SPOCK1: variants seen among roughly 807,000 people sequenced by gnomAD.
SPOCK1 encodes SPARC (osteonectin), cwcv and kazal like domains proteoglycan 1, also known as testican-1.
Under a neutral mutation model 55.3 loss-of-function variants are expected in SPOCK1, and 23 were observed. That is an observed-to-expected ratio of 0.42 (90% CI 0.30 to 0.59). The LOEUF (loss-of-function observed/expected upper bound fraction) is 0.59. Ranked by LOEUF, SPOCK1 falls within the 20% of genes least tolerant of loss-of-function variation. The pLI is 0.22. For missense variants in SPOCK1, 499 were observed against 552.5 expected, an observed-to-expected ratio of 0.90 and a Z score of 0.97; for synonymous variants, 226 against 221.0, an observed-to-expected ratio of 1.02 and a Z score of -0.20.
rs558735433 is a variant in SPOCK1 at position 137,329,364 on chromosome 5, A to T, written c.187-62309T>A. On this transcript the variant is annotated intron_variant, in intron 2 of 10. Coordinates refer to ENST00000394945, the MANE Select transcript of SPOCK1 (RefSeq NM_004598.4). ...CCACTTCCTTATAATAAATCTATTT[A>T]TATATATATACACCTATATATACAC... Among the ~76,000 whole-genome samples the T allele has an allele frequency of 7.2e-5, 11 of 151,922 alleles. No homozygotes were observed. The South Asian group carries it at 1.9e-3, about 26-fold the overall frequency.
At chr5:137,459,465 T>TTA (rs1753434446) in intron 2 of SPOCK1, among the ~76,000 whole-genome samples, 2 of 151,444 alleles carry the variant, frequency 1.3e-5, no homozygotes, top group African/African-American at 2.4e-5. Flanking sequence ...TTTTTTTTTT[T>TTA]AATTCATTGC....
intron 3 of SPOCK1, among the ~76,000 whole-genome samples, chr5:137,193,073 T>C (rs1300984541): frequency 6.6e-6 from 1 of 152,194 alleles, no homozygotes; most frequent in East Asian, 1.9e-4. Flanking sequence ...CAAAGTTGCA[T>C]TTTTAAACAG....
chr5:137,206,241 A>T (rs1755519111), intron 3 of SPOCK1, among the ~76,000 whole-genome samples: 1 of 152,234 alleles, frequency 6.6e-6, no homozygotes, highest in South Asian at 2.1e-4. Flanking sequence ...TAGGTTAAAG[A>T]AAAGGGCTTC....
intron 2 of SPOCK1, among the ~76,000 whole-genome samples, chr5:137,321,038 A>T (rs1757973617): frequency 1.3e-5 from 2 of 152,210 alleles, no homozygotes; most frequent in Admixed American, 1.3e-4. Context: ...AATGAAAAAG[A>T]GTATTTTTTA....
chr5:137,000,138 G>A (rs1751121434), intron 6 of SPOCK1, among the ~76,000 whole-genome samples: 1 of 152,100 alleles, frequency 6.6e-6, no homozygotes, highest in African/African-American at 2.4e-5. Flanking sequence ...GTTCTCTTTG[G>A]GAGCAAGCTC....
At chr5:137,301,425 T>G (rs1040454033) in intron 2 of SPOCK1, among the ~76,000 whole-genome samples, 1 of 152,252 alleles carries the variant, frequency 6.6e-6, no homozygotes, top group South Asian at 2.1e-4. Context: ...TAGTACCATA[T>G]TCTGCCAACA....
At chr5:137,268,568 T>C (rs563772556) in intron 2 of SPOCK1, among the ~76,000 whole-genome samples, 2 of 152,328 alleles carry the variant, frequency 1.3e-5, no homozygotes, top group Admixed American at 6.5e-5. Flanking sequence ...TGATATTAAG[T>C]TAAAAGTTGG....
intron 3 of SPOCK1, 54 bp from the exon 4 acceptor site, chr5:137,140,748 T>TA: frequency 1.1e-5 from 1 of 87,482 alleles, no homozygotes; most frequent in South Asian, 3.6e-4. Flanking sequence ...GGAAATTTAA[T>TA]TTTTTTTTTT....
At chr5:137,189,540 C>T (rs1262159246) in intron 3 of SPOCK1, among the ~76,000 whole-genome samples, 1 of 152,126 alleles carries the variant, frequency 6.6e-6, no homozygotes, top group Non-Finnish European at 1.5e-5. Flanking sequence ...CGATACCTAC[C>T]ACTCAGAAAA....
intron 2 of SPOCK1, among the ~76,000 whole-genome samples, chr5:137,344,328 A>C (rs1750506287): frequency 6.6e-6 from 1 of 152,214 alleles, no homozygotes; most frequent in Middle Eastern, 3.2e-3. Flanking sequence ...TAAAGCCAGA[A>C]CGTTTTATTC....
chr5:137,459,401 A>G (rs980199210), intron 2 of SPOCK1, among the ~76,000 whole-genome samples: 3 of 151,928 alleles, frequency 2.0e-5, no homozygotes, highest in Non-Finnish European at 4.4e-5. Context: ...AGGTGGTTCC[A>G]AGAGCAGAAT....
chr5:136,982,994 A>T (rs1490702244), intron 9 of SPOCK1, among the ~76,000 whole-genome samples: 3 of 152,116 alleles, frequency 2.0e-5, no homozygotes, highest in Non-Finnish European at 2.9e-5. Context: ...CTTTATTTAT[A>T]ATAGTTTTTA....
intron 3 of SPOCK1, among the ~76,000 whole-genome samples, chr5:137,260,093 T>C (rs1216030899): frequency 2.0e-5 from 3 of 152,236 alleles, no homozygotes; most frequent in Non-Finnish European, 4.4e-5. Context: ...CTATCTCATC[T>C]ACCCTTTTTA....
chr5:137,488,065 G>T (rs1754097043), intron 2 of SPOCK1, among the ~76,000 whole-genome samples: 2 of 152,168 alleles, frequency 1.3e-5, no homozygotes, highest in African/African-American at 4.8e-5. Flanking sequence ...TACAGTCTGA[G>T]AACTACCTAC....
chr5:137,390,857 G>T (rs995374617), intron 2 of SPOCK1, among the ~76,000 whole-genome samples: 1 of 152,196 alleles, frequency 6.6e-6, no homozygotes, highest in Non-Finnish European at 1.5e-5. Context: ...GTGGCAAATG[G>T]AACAGAGCTG....
intron 3 of SPOCK1, among the ~76,000 whole-genome samples, chr5:137,160,333 A>G (rs536597305): frequency 8.0e-6 from 1 of 124,582 alleles, no homozygotes. Context: ...TATATATATT[A>G]TATATATTAT....
intron 6 of SPOCK1, among the ~76,000 whole-genome samples, chr5:137,037,469 T>A (rs1751906252): frequency 6.6e-6 from 1 of 151,904 alleles, no homozygotes; most frequent in Non-Finnish European, 1.5e-5. Flanking sequence ...AACACTTGTC[T>A]CATAGCAGGT....
At position 137,391,654 on chromosome 5, in the gene SPOCK1, C is replaced by CA. The variant is rs539297198; in HGVS notation, c.186+106718dup. On this transcript the variant is annotated intron_variant, in intron 2 of 10. Transcript: ENST00000394945. ...CACTCGGTGCCTCCCCAGGTCCTTC[C>CA]ACACGTCTCTCCCCGCTCCCCTCCA... 8.7e-4 allele frequency among the ~76,000 whole-genome samples: 132 copies of CA among 152,228 alleles called. 1 individual carries two copies. Among genetic ancestry groups the CA allele is most frequent in the Middle Eastern group, 3.4e-3 (1 of 294 alleles).
chr5:137,180,484 G>A (rs1048472920), intron 3 of SPOCK1, among the ~76,000 whole-genome samples: 2 of 151,936 alleles, frequency 1.3e-5, no homozygotes, highest in Non-Finnish European at 1.5e-5. Context: ...TTTCACAGGA[G>A]GGAACATGAA....
Sources: allele counts gnomAD v4.1 joint callset (sites outside exome capture counted in the v4.1 genomes callset), GRCh38; gene constraint gnomAD v4.1.1; transcripts MANE v1.5; gene names NCBI Gene and HGNC (gene_info 2026-07-23, HGNC 2026-07-21).